Variants in CHD6 observed in about 807,000 individuals in gnomAD.
CHD6 encodes chromodomain helicase DNA binding protein 6.
Under a neutral mutation model 276.9 loss-of-function variants are expected in CHD6, and 50 were observed. The ratio of observed to expected loss-of-function variants is 0.18; its 90% CI spans 0.14 to 0.23. The LOEUF (loss-of-function observed/expected upper bound fraction) is 0.23. Ranked by LOEUF, CHD6 falls within the 10% of genes least tolerant of loss-of-function variation. The pLI, the probability that CHD6 is intolerant of heterozygous loss-of-function variation, is 1.00. For synonymous variants in CHD6, 1,173 were observed against 1,229.3 expected, an observed-to-expected ratio of 0.95 and a Z score of 0.96; for missense variants, 2,564 against 3,365.8, an observed-to-expected ratio of 0.76 and a Z score of 5.89.
intron 27 of CHD6, among the ~76,000 whole-genome samples, chr20:41,434,213 A>G (rs1183408609): frequency 6.6e-6 from 1 of 152,204 alleles, no homozygotes; most frequent in African/African-American, 2.4e-5. Context: ...TTAAAAGTAA[A>G]ATAATAAAAA....
intron 1 of CHD6, among the ~76,000 whole-genome samples, chr20:41,555,113 C>T (rs2045205971): frequency 7.1e-6 from 1 of 141,798 alleles, no homozygotes; most frequent in African/African-American, 2.6e-5. Flanking sequence ...GGGGGCTGAC[C>T]CCCCCACCTC....
chr20:41,548,048 C>A (rs1238613506), intron 2 of CHD6: 1 of 200,094 alleles, frequency 5.0e-6, no homozygotes, highest in Non-Finnish European at 1.0e-5. Flanking sequence ...AGCTGAAATT[C>A]ACTCCAGAAC....
At chr20:41,595,756 G>C (rs191027295) in intron 1 of CHD6, among the ~76,000 whole-genome samples, 5 of 151,788 alleles carry the variant, frequency 3.3e-5, no homozygotes, top group African/African-American at 1.2e-4. Flanking sequence ...AAATATTGTT[G>C]TTTTATTTGG....
chr20:41,465,737 T>C (rs1432353633), intron 17 of CHD6, among the ~76,000 whole-genome samples: 5 of 152,208 alleles, frequency 3.3e-5, no homozygotes, highest in Non-Finnish European at 7.3e-5. Flanking sequence ...TACATTGGAA[T>C]TCTACATAAT....
At chr20:41,616,492 A>G (rs1165740113) in intron 1 of CHD6, among the ~76,000 whole-genome samples, 3 of 152,218 alleles carry the variant, frequency 2.0e-5, no homozygotes, top group African/African-American at 7.2e-5. Flanking sequence ...TTACTATTAG[A>G]GAGACTCCAA....
intron 36 of CHD6, among the ~76,000 whole-genome samples, chr20:41,411,632 A>G (rs1193591226): frequency 1.9e-4 from 29 of 152,214 alleles, no homozygotes; most frequent in Admixed American, 1.9e-3. Flanking sequence ...CGGATTCGTT[A>G]TACTAGAAGT....
chr20:41,595,129 G>A (rs957645913), intron 1 of CHD6, among the ~76,000 whole-genome samples: 16 of 152,148 alleles, frequency 1.1e-4, no homozygotes, highest in Admixed American at 7.2e-4. Context: ...GTGAGGGATC[G>A]AGACCCACCT....
chr20:41,439,904 C>T (rs534581675), intron 26 of CHD6, 96 bp downstream of exon 26: 9 of 1,300,452 alleles, frequency 6.9e-6, no homozygotes, highest in African/African-American at 5.8e-5. Context: ...ATGCCAGATG[C>T]TGAGGAAGAG....
intron 23 of CHD6, among the ~76,000 whole-genome samples, chr20:41,450,338 G>C (rs1013933251): frequency 6.6e-6 from 1 of 152,078 alleles, no homozygotes; most frequent in Non-Finnish European, 1.5e-5. Context: ...CATTTCCAAG[G>C]GTCAGATACA....
intron 5 of CHD6, among the ~76,000 whole-genome samples, chr20:41,508,212 A>C (rs1040060886): frequency 6.6e-6 from 1 of 152,190 alleles, no homozygotes; most frequent in African/African-American, 2.4e-5. Context: ...ACAATCATAT[A>C]GGATGTATGA....
chr20:41,515,133 T>C (rs922313177), intron 3 of CHD6, among the ~76,000 whole-genome samples, 181 bp from the exon 4 acceptor site: 2 of 152,194 alleles, frequency 1.3e-5, no homozygotes, highest in African/African-American at 4.8e-5. Context: ...CATGGATCAA[T>C]GCAGAATTCA....
chr20:41,463,965 G>A (rs2042859868), intron 17 of CHD6, among the ~76,000 whole-genome samples: 1 of 152,088 alleles, frequency 6.6e-6, no homozygotes, highest in African/African-American at 2.4e-5. Flanking sequence ...AAATAGCTCA[G>A]ACAAAAAGTG....
chr20:41,533,772 G>T (rs758755312), intron 2 of CHD6, among the ~76,000 whole-genome samples: 2 of 152,128 alleles, frequency 1.3e-5, no homozygotes, highest in Non-Finnish European at 2.9e-5. Context: ...CTGTGCCAAC[G>T]TGTTGTTAGC....
At chr20:41,520,462 C>G (rs945683040) in intron 3 of CHD6, among the ~76,000 whole-genome samples, 5 of 151,992 alleles carry the variant, frequency 3.3e-5, no homozygotes, top group Non-Finnish European at 7.4e-5. Flanking sequence ...AAATGTGGCA[C>G]ATATACACCA....
At chr20:41,455,294 A>G (rs2048348221) in intron 19 of CHD6, among the ~76,000 whole-genome samples, 1 of 152,238 alleles carries the variant, frequency 6.6e-6, no homozygotes, top group Non-Finnish European at 1.5e-5. Context: ...GGGAAACCTG[A>G]GAGTGATCTG....
intron 17 of CHD6, among the ~76,000 whole-genome samples, chr20:41,468,231 T>G (rs1209201009): frequency 6.6e-6 from 1 of 151,692 alleles, no homozygotes; most frequent in Non-Finnish European, 1.5e-5. Flanking sequence ...TGCCTCAGCC[T>G]CCCAAGTAGC....
chr20:41,506,154 A>C (rs966134433), intron 5 of CHD6, among the ~76,000 whole-genome samples: 1 of 152,144 alleles, frequency 6.6e-6, no homozygotes, highest in African/African-American at 2.4e-5. Context: ...GATTATTCTC[A>C]AGAGTCTCCT....
At chr20:41,562,170 A>T (rs1481177745) in intron 1 of CHD6, among the ~76,000 whole-genome samples, 1 of 151,728 alleles carries the variant, frequency 6.6e-6, no homozygotes, top group Non-Finnish European at 1.5e-5. Context: ...TTCTCTTTCA[A>T]GCCTTCTTTT....
At chr20:41,463,778 A>G (rs948917491) in intron 17 of CHD6, among the ~76,000 whole-genome samples, 1 of 152,230 alleles carries the variant, frequency 6.6e-6, no homozygotes, top group African/African-American at 2.4e-5. Context: ...CAGCTATAAA[A>G]TATGTTGAAA....
Sources: gnomAD v4.1 joint callset for allele counts (sites outside exome capture counted in the v4.1 genomes callset) on GRCh38, gnomAD v4.1.1 for gene constraint, MANE v1.5 for transcripts, NCBI Gene and HGNC (gene_info 2026-07-23, HGNC 2026-07-21) for gene names.